TAFA5: variants seen among roughly 807,000 people sequenced by gnomAD.
TAFA5 encodes the protein chemokine-like protein TAFA-5.
Under a neutral mutation model 15.3 loss-of-function variants are expected in TAFA5, and 6 were observed. The observed-to-expected ratio is 0.39, with a 90% confidence interval of 0.21 to 0.77. The LOEUF is 0.77. Among genes scored for constraint, TAFA5 ranks in the 30% least tolerant of loss-of-function variants. The probability of loss-of-function intolerance (pLI) is 0.41; values close to 1 mark genes in which losing one functional copy is unlikely to be tolerated. For missense variants in TAFA5, 161 were observed against 193.1 expected, an observed-to-expected ratio of 0.83 and a Z score of 0.98; for synonymous variants, 103 against 80.7, an observed-to-expected ratio of 1.28 and a Z score of -1.48.
chr22:48,632,524 T>C (rs1325342957), intron 1 of TAFA5, among the ~76,000 whole-genome samples: 1 of 150,312 alleles, frequency 6.7e-6, no homozygotes, highest in Non-Finnish European at 1.5e-5. Flanking sequence ...ATCTCTGAGC[T>C]CGGTGCCTGC....
At chr22:48,576,482 T>A in intron 1 of TAFA5, 1 of 1,472,240 alleles carries the variant, frequency 6.8e-7, no homozygotes, top group Non-Finnish European at 9.1e-7. Flanking sequence ...GACTCCGCGA[T>A]GCAGCTCCTG....
At chr22:48,539,985 G>A (rs998291529) in intron 1 of TAFA5, among the ~76,000 whole-genome samples, 1 of 152,140 alleles carries the variant, frequency 6.6e-6, no homozygotes, top group Non-Finnish European at 1.5e-5. Context: ...CCGGGGTCTG[G>A]CAGAGCCCAT....
chr22:48,550,453 T>C lies in TAFA5; in HGVS notation c.112+60749T>C, dbSNP rs954485415. On this transcript the variant is annotated intron_variant, in intron 1 of 3. Coordinates refer to ENST00000402357, the MANE Select transcript of TAFA5 (RefSeq NM_001082967.3). This position sits in a 1 kb window ranked among gnomAD's most constrained non-coding sequence, Gnocchi z 4.1. ...GGCTCTCTGGGAGTAAGCTAAGAGGTCACATCTGGATGGAACCAGATGTGA... is the reference window on the plus strand; with the variant it reads ...GGCTCTCTGGGAGTAAGCTAAGAGGCCACATCTGGATGGAACCAGATGTGA... 2.0e-5 allele frequency among the ~76,000 whole-genome samples: 3 copies of C among 151,470 alleles called. No individual in the cohort carries two copies. Among genetic ancestry groups the C allele is most frequent in the African/African-American group, 7.3e-5 (3 of 41,172 alleles).
chr22:48,520,899 G>A (rs993273288), intron 1 of TAFA5, among the ~76,000 whole-genome samples: 2 of 152,118 alleles, frequency 1.3e-5, no homozygotes, highest in Admixed American at 1.3e-4. Context: ...AGGGGGGGTC[G>A]CAGGGTGGGA....
At chr22:48,730,385 CA>C (rs130204) in intron 3 of TAFA5, among the ~76,000 whole-genome samples, 1 of 147,184 alleles carries the variant, frequency 6.8e-6, no homozygotes, top group East Asian at 2.0e-4. Context: ...GACTGTGTCT[CA>C]AAAAAAAAAG....
At chr22:48,711,285 G>T (rs560187209) in intron 3 of TAFA5, among the ~76,000 whole-genome samples, 17 of 152,232 alleles carry the variant, frequency 1.1e-4, no homozygotes, top group African/African-American at 3.9e-4. Context: ...TGTGTCGGGG[G>T]CTTGAAGACC....
chr22:48,612,118 T>G (rs1305281446), intron 1 of TAFA5, among the ~76,000 whole-genome samples: 1 of 152,106 alleles, frequency 6.6e-6, no homozygotes, highest in Non-Finnish European at 1.5e-5. Flanking sequence ...GGTGCGTCTA[T>G]GCAGGTGCAG....
chr22:48,655,092 T>C (rs1927188182), intron 2 of TAFA5, among the ~76,000 whole-genome samples: 1 of 152,080 alleles, frequency 6.6e-6, no homozygotes, highest in South Asian at 2.1e-4. Context: ...CCATCTGTCA[T>C]TGTGTACTGG....
chr22:48,501,702 G>A (rs778553330), intron 1 of TAFA5, among the ~76,000 whole-genome samples: 1 of 152,220 alleles, frequency 6.6e-6, no homozygotes. Flanking sequence ...GCCCAGGAGT[G>A]TACCAGCATC....
intron 1 of TAFA5, among the ~76,000 whole-genome samples, chr22:48,512,945 G>A (rs187144583): frequency 6.9e-5 from 6 of 87,426 alleles, no homozygotes; most frequent in African/African-American, 3.0e-4. Context: ...AAAAAAAAAA[G>A]AGAGAGAGAG....
At chr22:48,677,588 C>G (rs1332379345) in intron 2 of TAFA5, among the ~76,000 whole-genome samples, 6 of 152,346 alleles carry the variant, frequency 3.9e-5, no homozygotes, top group Non-Finnish European at 5.9e-5. Flanking sequence ...TGCTGCCTCC[C>G]TCCTGGGCCC....
chr22:48,571,664 C>T (rs1355444464), intron 1 of TAFA5, among the ~76,000 whole-genome samples: 2 of 135,916 alleles, frequency 1.5e-5, no homozygotes, highest in African/African-American at 2.8e-5. Flanking sequence ...GGGGTCTGTC[C>T]ATTAGATCTA....
intron 1 of TAFA5, among the ~76,000 whole-genome samples, chr22:48,558,072 A>G (rs1923100770): frequency 6.6e-6 from 1 of 152,012 alleles, no homozygotes; most frequent in South Asian, 2.1e-4. Flanking sequence ...GCACCTCACC[A>G]AGATCAGCAC....
intron 1 of TAFA5, among the ~76,000 whole-genome samples, chr22:48,599,048 C>A (rs1039162012): frequency 6.6e-6 from 1 of 152,186 alleles, no homozygotes; most frequent in Non-Finnish European, 1.5e-5. Flanking sequence ...CATGTCCTCT[C>A]TGGGCAAGCC....
chr22:48,710,119 G>A (rs575051211), intron 3 of TAFA5, among the ~76,000 whole-genome samples: 8 of 152,092 alleles, frequency 5.3e-5, no homozygotes, highest in African/African-American at 1.9e-4. Flanking sequence ...GGGGTCTTCA[G>A]ATCTGCATGA....
chr22:48,592,500 C>G (rs1924606216), intron 1 of TAFA5, among the ~76,000 whole-genome samples: 1 of 152,248 alleles, frequency 6.6e-6, no homozygotes, highest in African/African-American at 2.4e-5. Context: ...AGCCCTGGGT[C>G]CAGGTCTCTT....
intron 1 of TAFA5, among the ~76,000 whole-genome samples, chr22:48,525,351 C>T (rs73888431): frequency 0.011 from 1,718 of 152,264 alleles, 30 homozygotes; most frequent in African/African-American, 0.04. Flanking sequence ...CCCTGGGATA[C>T]GCTGAGGGCT....
At position 48,624,411 on chromosome 22, in the gene TAFA5, TG is replaced by T. The variant is rs144528004; in HGVS notation, c.113-22181del. Among the ~76,000 whole-genome samples the T allele has an allele frequency of 9.7e-3, 1,479 of 152,104 alleles. 26 individuals carry two copies. The highest frequency in any genetic ancestry group is 0.034 in the African/African-American group (1,422 of 41,466). On this transcript the variant is annotated intron_variant, in intron 1 of 3. Transcript: ENST00000402357. ...CTAGGTGCAGCACTCACTTATGGAGTGGGGGAGGGACAGGCCGCCTCCATGA... is the reference window on the plus strand; with the variant it reads ...CTAGGTGCAGCACTCACTTATGGAGTGGGGAGGGACAGGCCGCCTCCATGA...
intron 3 of TAFA5, among the ~76,000 whole-genome samples, chr22:48,719,428 T>C (rs1469019050): frequency 6.6e-6 from 1 of 152,162 alleles, no homozygotes; most frequent in Non-Finnish European, 1.5e-5. Flanking sequence ...AGAGGGAGGC[T>C]GAGCTCAGGA....
Sources: gnomAD v4.1 joint callset for allele counts (sites outside exome capture counted in the v4.1 genomes callset) on GRCh38, gnomAD v4.1.1 for gene constraint, Gnocchi (gnomAD v3.1) non-coding constraint, MANE v1.5 for transcripts, NCBI Gene and HGNC (gene_info 2026-07-23, HGNC 2026-07-21) for gene names.